Variants in DCUN1D5 observed in about 807,000 individuals in gnomAD.
The protein encoded by DCUN1D5 is defective in cullin neddylation 1 domain containing 5, also known as DCN1-like protein 5.
Under a neutral mutation model 38.3 loss-of-function variants are expected in DCUN1D5, and 10 were observed. That is an observed-to-expected ratio of 0.26 (90% CI 0.16 to 0.44). The LOEUF (loss-of-function observed/expected upper bound fraction) is 0.44. Ranked by LOEUF, DCUN1D5 falls within the 20% of genes least tolerant of loss-of-function variation. DCUN1D5 has a pLI of 1.00. For synonymous variants in DCUN1D5, 93 were observed against 90.9 expected (o/e 1.02, Z -0.13); for missense variants, 148 against 275.3 (o/e 0.54, Z 3.27).
chr11:103,080,882 C>T (rs1037831522), intron 4 of DCUN1D5, among the ~76,000 whole-genome samples: 8 of 151,976 alleles, frequency 5.3e-5, no homozygotes, highest in Admixed American at 1.3e-4. Context: ...CGTGGAGGCA[C>T]ACGCCCGTAG....
At chr11:103,068,134 A>G (rs1413575886) in intron 4 of DCUN1D5, among the ~76,000 whole-genome samples, 1 of 151,940 alleles carries the variant, frequency 6.6e-6, no homozygotes, top group Non-Finnish European at 1.5e-5. Context: ...AATTTATAAC[A>G]TTTTCTAATT....
At chr11:103,082,866 G>A (rs1283667989) in intron 3 of DCUN1D5, 27 bp from the exon 4 acceptor site, 1 of 1,560,764 alleles carries the variant, frequency 6.4e-7, no homozygotes, top group African/African-American at 1.4e-5. Context: ...ATAAAGGATA[G>A]GGGAAAAGTC....
Position 103,054,809 on chromosome 11 carries a change from C to T in DCUN1D5, c.*7550G>A, listed in dbSNP as rs537949296. On this transcript the variant is annotated 3_prime_UTR_variant, in exon 8 of 8. Transcript: ENST00000260247. ...ACATTTATATTCAAATGTATATTAG[C>T]GTCAACTGCCAGTCCTAGATGTACT... is the stretch of plus-strand genomic sequence containing the variant. 1 of 151,926 alleles carries T rather than the reference C, an allele frequency of 6.6e-6. No homozygotes were observed. Among genetic ancestry groups the T allele is most frequent in the East Asian group, 1.9e-4 (1 of 5,166 alleles). 9.4% of individuals were successfully genotyped at this position (151,926 alleles called of 1,614,324 possible). A position where few individuals can be genotyped will look rare whatever the true frequency, so the allele number is the denominator to read the frequency against.
rs983159996 is a variant in DCUN1D5 at position 103,060,333 on chromosome 11, A to C, written c.*2026T>G. Among the ~76,000 whole-genome samples, 18 of 152,192 alleles carry C rather than the reference A, an allele frequency of 1.2e-4. No homozygotes were observed. The highest frequency in any genetic ancestry group is 2.4e-4 in the Non-Finnish European group (16 of 68,030). On this transcript the variant is annotated 3_prime_UTR_variant, in exon 8 of 8. Coordinates refer to ENST00000260247, the MANE Select transcript of DCUN1D5 (RefSeq NM_032299.4). ...AAAAGTCTTAAAGGTATCTTTGGAT[A>C]AGTATGCAAAGTAAATACTGTTGAC...
intron 4 of DCUN1D5, among the ~76,000 whole-genome samples, chr11:103,068,126 T>C (rs1033536984): frequency 6.6e-6 from 1 of 152,186 alleles, no homozygotes; most frequent in Non-Finnish European, 1.5e-5. Context: ...ATGATTAAAA[T>C]TTATAACATT....
chr11:103,081,777 AAT>A (rs949914560), intron 4 of DCUN1D5, among the ~76,000 whole-genome samples: 13 of 152,184 alleles, frequency 8.5e-5, no homozygotes, highest in African/African-American at 3.1e-4. Context: ...AAATATATAA[AAT>A]ATCCACGTGT....
Position 103,066,903 on chromosome 11 carries a change from C to T in DCUN1D5, c.342-336G>A, listed in dbSNP as rs1862147411. On this transcript the variant is annotated intron_variant, in intron 4 of 7. Transcript: ENST00000260247. The surrounding 1 kb of genome is among the most constrained non-coding windows in gnomAD (Gnocchi z 4.7). ...ATTAAAACATGTTTTATCACATATACAGCTAAAAATGGCAGAGCAAATGAA... is the reference window on the plus strand; with the variant it reads ...ATTAAAACATGTTTTATCACATATATAGCTAAAAATGGCAGAGCAAATGAA... 6.6e-6 allele frequency among the ~76,000 whole-genome samples: 1 copy of T among 152,112 alleles called. No homozygotes were observed. The highest frequency in any genetic ancestry group is 1.5e-5 in the Non-Finnish European group (1 of 68,008).
Position 103,073,188 on chromosome 11 carries a change from G to C in DCUN1D5, c.342-6621C>G, listed in dbSNP as rs1862323208. On this transcript the variant is annotated intron_variant, in intron 4 of 7. Transcript: ENST00000260247. This position sits in a 1 kb window ranked among gnomAD's most constrained non-coding sequence, Gnocchi z 4.2. Reference sequence around the variant, plus strand: ...GTGTAATTCTAACAAAAGATGTACAGGACGTATATGCCGAAAACTACACAA... The same window carrying C: ...GTGTAATTCTAACAAAAGATGTACACGACGTATATGCCGAAAACTACACAA... 6.6e-6 allele frequency among the ~76,000 whole-genome samples: 1 copy of C among 151,916 alleles called. No individual in the cohort carries two copies. Among genetic ancestry groups the C allele is most frequent in the African/African-American group, 2.4e-5 (1 of 41,364 alleles).
At chr11:103,090,943 AACCATTTCTC>A (rs1947725724) in intron 1 of DCUN1D5, among the ~76,000 whole-genome samples, 1 of 152,118 alleles carries the variant, frequency 6.6e-6, no homozygotes, top group South Asian at 2.1e-4. Flanking sequence ...AAAACAAAAA[AACCATTTCTC>A]AAACCAAAAT....
chr11:103,079,041 G>A (rs891666971), intron 4 of DCUN1D5, among the ~76,000 whole-genome samples: 2 of 152,206 alleles, frequency 1.3e-5, no homozygotes, highest in African/African-American at 4.8e-5. Flanking sequence ...GGAGGCAAGC[G>A]GCAGGCGAGT....
In DCUN1D5 at chr11:103,056,438, T is replaced by C. The variant is rs1861874543; in HGVS notation, c.*5921A>G. ...ATGCTCTCCTCCCAGATATCCACAC[T>C]GCACAACCATTCACCTCCTCAGGCC... On this transcript the variant is annotated 3_prime_UTR_variant, in exon 8 of 8. Coordinates refer to ENST00000260247, the MANE Select transcript of DCUN1D5 (RefSeq NM_032299.4). The surrounding 1 kb of genome is among the most constrained non-coding windows in gnomAD (Gnocchi z 4.9). Among the ~76,000 whole-genome samples, 2 of 152,174 alleles carry C rather than the reference T, an allele frequency of 1.3e-5. No homozygotes were observed. The highest frequency in any genetic ancestry group is 2.9e-5 in the Non-Finnish European group (2 of 68,028).
intron 2 of DCUN1D5, 83 bp downstream of exon 2, chr11:103,089,144 G>A: frequency 3.6e-6 from 5 of 1,373,700 alleles, no homozygotes; most frequent in Middle Eastern, 2.0e-4. Context: ...TAGCAGGCCT[G>A]TAACAGATAA....
At position 103,089,307 on chromosome 11, in the gene DCUN1D5, G is replaced by C. The variant is rs749124528; in HGVS notation, c.98C>G (p.Ser33Cys). 1.1e-5 allele frequency: 18 copies of C among 1,605,856 alleles called. No homozygotes were observed. Among genetic ancestry groups the C allele is most frequent in the Non-Finnish European group, 1.4e-5 (17 of 1,174,564 alleles). ...KKCKISSYCR[S>C]QPPARLISGE... is the part of the protein sequence containing the mutation. The stretch of plus-strand genomic sequence containing the variant: ...ACTTATTAGTCTAGCAGGGGGTTGG[G>C]ATCTGCAATAGCTTAGAAAACACAC... Residue 33 changes from serine (S) to cysteine (C), a missense_variant, in exon 2 of 8, where the codon TCC becomes TGC. By Grantham distance (112) the Ser-to-Cys change is moderately radical. Coordinates refer to ENST00000260247, the MANE Select transcript of DCUN1D5 (RefSeq NM_032299.4).
chr11:103,067,917 G>GT (rs1862173842), intron 4 of DCUN1D5, among the ~76,000 whole-genome samples: 1 of 151,690 alleles, frequency 6.6e-6, no homozygotes, highest in Non-Finnish European at 1.5e-5. Context: ...TTTCCCCCCC[G>GT]TTTTTTGAAA....
rs1044992710 is a variant in DCUN1D5 at position 103,073,076 on chromosome 11, G to A, written c.342-6509C>T. On this transcript the variant is annotated intron_variant, in intron 4 of 7. Transcript: ENST00000260247. The surrounding 1 kb of genome is among the most constrained non-coding windows in gnomAD (Gnocchi z 4.2). The stretch of plus-strand genomic sequence containing the variant: ...CAAGATAAACATATAAAAATCAATT[G>A]TATTTCTATATATTAGTAATGAACA... Among the ~76,000 whole-genome samples, 2 of 152,002 alleles carry A rather than the reference G, an allele frequency of 1.3e-5. No homozygotes were observed. The highest frequency in any genetic ancestry group is 2.9e-5 in the Non-Finnish European group (2 of 68,010).
rs949689515 is a variant in DCUN1D5, at chr11:103,056,158, C to T, written c.*6201G>A. Among the ~76,000 whole-genome samples, 12 of 152,170 alleles carry T rather than the reference C, an allele frequency of 7.9e-5. No homozygotes were observed. The highest frequency in any genetic ancestry group is 2.7e-4 in the African/African-American group (11 of 41,444). On this transcript the variant is annotated 3_prime_UTR_variant, in exon 8 of 8. Coordinates refer to ENST00000260247, the MANE Select transcript of DCUN1D5 (RefSeq NM_032299.4). The surrounding 1 kb of genome is among the most constrained non-coding windows in gnomAD (Gnocchi z 4.9). Reference sequence around the variant, plus strand: ...ATTATCTTCCTACTACTACCTGCTTCCATCCTTGCTTTGATCTGAATCCTA... The same window carrying T: ...ATTATCTTCCTACTACTACCTGCTTTCATCCTTGCTTTGATCTGAATCCTA...
chr11:103,064,392 T>G lies in DCUN1D5; in HGVS notation c.556-15A>C. 6.4e-7 allele frequency: 1 copy of G among 1,552,220 alleles called. No homozygotes were observed. Among genetic ancestry groups the G allele is most frequent in the Non-Finnish European group, 8.8e-7 (1 of 1,140,178 alleles). On this transcript the variant is annotated splice_polypyrimidine_tract_variant and intron_variant, in intron 6 of 7. Transcript: ENST00000260247. This position sits in a 1 kb window ranked among gnomAD's most constrained non-coding sequence, Gnocchi z 4.5. The stretch of plus-strand genomic sequence containing the variant: ...TACTTTGATTGCTGCAAAAATGATT[T>G]AAATATTTGTATTTAAATATTTAAA...
intron 4 of DCUN1D5, among the ~76,000 whole-genome samples, chr11:103,072,064 G>A: frequency 6.6e-6 from 1 of 151,462 alleles, no homozygotes; most frequent in Non-Finnish European, 1.5e-5. Flanking sequence ...ATAGAGGGGA[G>A]TGTCCTCAAC....
chr11:103,070,688 G>A (rs1319778922), intron 4 of DCUN1D5, among the ~76,000 whole-genome samples: 1 of 151,962 alleles, frequency 6.6e-6, no homozygotes, highest in African/African-American at 2.4e-5. Flanking sequence ...AGAATTCAAC[G>A]AACACAGAGA....
Sources: gnomAD v4.1 joint callset for allele counts (sites outside exome capture counted in the v4.1 genomes callset) on GRCh38, gnomAD v4.1.1 for gene constraint, Gnocchi (gnomAD v3.1) non-coding constraint, MANE v1.5 for transcripts, NCBI Gene and HGNC (gene_info 2026-07-23, HGNC 2026-07-21) for gene names.